Variants in MACROD2 observed in about 807,000 individuals in gnomAD.
The protein encoded by MACROD2 is mono-ADP ribosylhydrolase 2.
A neutral mutation model predicts 70.4 loss-of-function variants in MACROD2; 36 were observed. That is an observed-to-expected ratio of 0.51 (90% CI 0.39 to 0.68). MACROD2 has a LOEUF of 0.68. Ranked by LOEUF, MACROD2 falls within the 30% of genes least tolerant of loss-of-function variation. The pLI, the probability that MACROD2 is intolerant of heterozygous loss-of-function variation, is 0.00. For missense variants in MACROD2, 496 were observed against 538.4 expected, an observed-to-expected ratio of 0.92 and a Z score of 0.78; for synonymous variants, 172 against 178.8, an observed-to-expected ratio of 0.96 and a Z score of 0.30.
At chr20:14,229,967 A>C (rs1178408333) in intron 3 of MACROD2, among the ~76,000 whole-genome samples, 3 of 152,228 alleles carry the variant, frequency 2.0e-5, no homozygotes, top group African/African-American at 7.2e-5. Flanking sequence ...TGCAAATAAA[A>C]TTATGTTTAT....
At chr20:15,501,138 T>C (rs1390395589) in intron 8 of MACROD2, among the ~76,000 whole-genome samples, 1 of 152,222 alleles carries the variant, frequency 6.6e-6, no homozygotes, top group Non-Finnish European at 1.5e-5. Context: ...CTCATTGGAA[T>C]GCCACCAAGG....
chr20:15,456,356 G>A, intron 7 of MACROD2, among the ~76,000 whole-genome samples: 1 of 152,142 alleles, frequency 6.6e-6, no homozygotes, highest in East Asian at 1.9e-4. Flanking sequence ...GCAGTTTGGA[G>A]TTCTCTTCTG....
intron 3 of MACROD2, among the ~76,000 whole-genome samples, chr20:14,371,216 G>A (rs2083319785): frequency 6.6e-6 from 1 of 152,098 alleles, no homozygotes; most frequent in Admixed American, 6.6e-5. Context: ...CAGGTGTGGT[G>A]GCTCATGCCT....
chr20:14,403,008 T>A (rs763175145), intron 3 of MACROD2, among the ~76,000 whole-genome samples: 1 of 152,146 alleles, frequency 6.6e-6, no homozygotes, highest in Non-Finnish European at 1.5e-5. Context: ...AATCTAGAAC[T>A]CATATTTCAT....
chr20:15,737,926 C>A (rs559257189), intron 8 of MACROD2, among the ~76,000 whole-genome samples: 1 of 151,562 alleles, frequency 6.6e-6, no homozygotes, highest in South Asian at 2.1e-4. Context: ...GGATGAATGG[C>A]GGATGGATGG....
At chr20:15,140,651 G>C (rs924251196) in intron 5 of MACROD2, among the ~76,000 whole-genome samples, 5 of 152,082 alleles carry the variant, frequency 3.3e-5, no homozygotes, top group African/African-American at 1.2e-4. Flanking sequence ...CAGAAGTGAG[G>C]CTGGGCTGGC....
intron 3 of MACROD2, among the ~76,000 whole-genome samples, chr20:14,305,789 C>T (rs2208457): frequency 0.018 from 2,684 of 151,946 alleles, 30 homozygotes; most frequent in East Asian, 0.025. Flanking sequence ...TATCTTTTTT[C>T]GTATCTCAGA....
At chr20:14,428,316 G>A (rs931513919) in intron 3 of MACROD2, among the ~76,000 whole-genome samples, 5 of 151,930 alleles carry the variant, frequency 3.3e-5, no homozygotes, top group African/African-American at 9.7e-5. Flanking sequence ...AATATGACTC[G>A]ATTAATAAGA....
intron 5 of MACROD2, among the ~76,000 whole-genome samples, chr20:14,766,736 A>T (rs116539174): frequency 0.011 from 1,658 of 152,210 alleles, 31 homozygotes; most frequent in African/African-American, 0.038. Flanking sequence ...TTGTCATCTC[A>T]AGGAGCTTGT....
chr20:15,167,327 T>C (rs1459008871), intron 5 of MACROD2, among the ~76,000 whole-genome samples: 1 of 152,172 alleles, frequency 6.6e-6, no homozygotes, highest in African/African-American at 2.4e-5. Flanking sequence ...TTTATCTGTA[T>C]TTGTGAAAAC....
chr20:15,113,679 G>A (rs2075971870), intron 5 of MACROD2, among the ~76,000 whole-genome samples: 1 of 151,392 alleles, frequency 6.6e-6, no homozygotes, highest in Non-Finnish European at 1.5e-5. Flanking sequence ...TCACTTTGTG[G>A]GTTTTGCCTG....
At chr20:15,888,778 A>G (rs2064852809) in intron 10 of MACROD2, among the ~76,000 whole-genome samples, 1 of 152,012 alleles carries the variant, frequency 6.6e-6, no homozygotes, top group Non-Finnish European at 1.5e-5. Flanking sequence ...AATTTCCTAT[A>G]CCTGAGTGCT....
chr20:14,928,499 T>G (rs766688672), intron 5 of MACROD2, among the ~76,000 whole-genome samples: 6 of 152,192 alleles, frequency 3.9e-5, no homozygotes, highest in Non-Finnish European at 5.9e-5. Flanking sequence ...CTATTCTGAC[T>G]TAGAGGAAGA....
intron 5 of MACROD2, among the ~76,000 whole-genome samples, chr20:15,163,506 A>G (rs1015075866): frequency 6.6e-6 from 1 of 152,066 alleles, no homozygotes; most frequent in African/African-American, 2.4e-5. Context: ...TGAATAGTAC[A>G]ATTAACAAGC....
chr20:14,164,990 G>A (rs1232071772), intron 3 of MACROD2, among the ~76,000 whole-genome samples: 54 of 152,278 alleles, frequency 3.5e-4, no homozygotes, highest in Non-Finnish European at 2.9e-5. Flanking sequence ...CTGGGGTGAG[G>A]TTGCTGCCAG....
At chr20:15,936,038 C>A (rs953403862) in intron 11 of MACROD2, among the ~76,000 whole-genome samples, 4 of 151,984 alleles carry the variant, frequency 2.6e-5, no homozygotes, top group South Asian at 2.1e-4. Flanking sequence ...AAAAGATAGG[C>A]TAGAAAATAA....
At chr20:16,035,788 A>AGCTG (rs1555811505) in intron 15 of MACROD2, among the ~76,000 whole-genome samples, 1 of 151,814 alleles carries the variant, frequency 6.6e-6, no homozygotes, top group Non-Finnish European at 1.5e-5. Flanking sequence ...ATCCATCCAC[A>AGCTG]TGAGCTGAGT....
chr20:15,438,080 G>A (rs370867720), intron 7 of MACROD2, among the ~76,000 whole-genome samples: 12 of 151,934 alleles, frequency 7.9e-5, no homozygotes, highest in African/African-American at 2.9e-4. Flanking sequence ...GCTGGAACCC[G>A]GGAGGTGGAA....
At chr20:14,861,125 A>G (rs1354089010) in intron 5 of MACROD2, among the ~76,000 whole-genome samples, 4 of 152,144 alleles carry the variant, frequency 2.6e-5, no homozygotes, top group African/African-American at 9.7e-5. Flanking sequence ...AATTAAAGGA[A>G]TTGTTACAAA....
Sources: allele counts gnomAD v4.1 joint callset (sites outside exome capture counted in the v4.1 genomes callset), GRCh38; gene constraint gnomAD v4.1.1; transcripts MANE v1.5; gene names NCBI Gene and HGNC (gene_info 2026-07-23, HGNC 2026-07-21).